The following ZNF438 variants were observed in gnomAD, a reference collection of about 807,000 sequenced individuals.
ZNF438 encodes zinc finger protein 438.
ZNF438 carries 25 observed loss-of-function variants against 38.0 expected under a neutral mutation model. The observed-to-expected ratio is 0.66, with a 90% CI of 0.48 to 0.92. ZNF438 has a LOEUF of 0.92. Ranked by LOEUF, ZNF438 falls within the 40% of genes least tolerant of loss-of-function variation. The pLI is 0.00. For missense variants in ZNF438, 1,007 were observed against 999.6 expected (o/e 1.01, Z -0.10); for synonymous variants, 372 against 364.1 (o/e 1.02, Z -0.25).
At chr10:31,001,891 T>C (rs373898525) in intron 1 of ZNF438, among the ~76,000 whole-genome samples, 3 of 152,330 alleles carry the variant, frequency 2.0e-5, no homozygotes, top group East Asian at 3.9e-4. Flanking sequence ...GACTGATTCA[T>C]ACACCCATGG....
intron 1 of ZNF438, among the ~76,000 whole-genome samples, chr10:30,982,475 C>A (rs1271351078): frequency 1.3e-5 from 2 of 152,104 alleles, no homozygotes; most frequent in Non-Finnish European, 2.9e-5. Flanking sequence ...GATTATAATT[C>A]TTTAACTATA....
intron 1 of ZNF438, among the ~76,000 whole-genome samples, chr10:30,952,274 G>A (rs918405773): frequency 6.1e-5 from 9 of 148,038 alleles, no homozygotes; most frequent in African/African-American, 1.5e-4. Context: ...AGACTTAAAC[G>A]TTAGACCTAA....
At chr10:30,945,773 G>A (rs1432909876) in intron 1 of ZNF438, among the ~76,000 whole-genome samples, 1 of 116,008 alleles carries the variant, frequency 8.6e-6, no homozygotes, top group Non-Finnish European at 1.7e-5. Context: ...TGGTGTATAT[G>A]TGCCACATTT....
chr10:30,883,405 T>A (rs569410743), intron 3 of ZNF438, among the ~76,000 whole-genome samples: 1 of 152,266 alleles, frequency 6.6e-6, no homozygotes, highest in Admixed American at 6.5e-5. Flanking sequence ...AAAGCCATCA[T>A]CATTATCATC....
chr10:30,861,429 G>A (rs569819946), intron 4 of ZNF438, among the ~76,000 whole-genome samples: 16 of 152,054 alleles, frequency 1.1e-4, no homozygotes, highest in African/African-American at 3.9e-4. Context: ...GTGGAGGGCT[G>A]GCTATATCAT....
intron 1 of ZNF438, among the ~76,000 whole-genome samples, chr10:31,030,446 C>T (rs1442671330): frequency 6.6e-6 from 1 of 152,222 alleles, no homozygotes; most frequent in Non-Finnish European, 1.5e-5. Flanking sequence ...CAATGCGAAT[C>T]TCCTAATAAC....
chr10:30,848,695 C>T (rs745863307), exon 5 of ZNF438: 4 of 1,614,242 alleles, frequency 2.5e-6, no homozygotes, highest in Non-Finnish European at 3.4e-6. Flanking sequence ...TTGCACAAAA[C>T]TCACAACACA....
At chr10:30,940,201 A>C (rs113119916) in intron 2 of ZNF438, among the ~76,000 whole-genome samples, 1 of 152,264 alleles carries the variant, frequency 6.6e-6, no homozygotes. Context: ...ACTAAGCACT[A>C]TTAAAGGCTA....
chr10:30,851,162 T>C (rs2033556931), intron 4 of ZNF438, among the ~76,000 whole-genome samples: 2 of 152,240 alleles, frequency 1.3e-5, no homozygotes, highest in South Asian at 4.1e-4. Context: ...AGAGACAACA[T>C]GCAAAATATG....
In ZNF438 at chr10:31,010,083, G is replaced by A. The variant is rs371358415; in HGVS notation, c.-192+21750C>T. 7.2e-5 allele frequency among the ~76,000 whole-genome samples: 11 copies of A among 152,098 alleles called. No individual in the cohort carries two copies. In the East Asian group the frequency reaches 1.9e-3, roughly 27 times the overall value. The stretch of plus-strand genomic sequence containing the variant: ...AGGCTGGTCTTGAACTCCTGACCTC[G>A]TGATCCACCTGCCTTGGCCTCCCAA... On this transcript the variant is annotated intron_variant, in intron 1 of 5. Transcript: ENST00000413025.
intron 1 of ZNF438, among the ~76,000 whole-genome samples, chr10:30,995,168 T>C (rs1214359859): frequency 1.3e-5 from 2 of 152,006 alleles, no homozygotes; most frequent in African/African-American, 4.8e-5. Flanking sequence ...AAATTCTAAA[T>C]AGGATAAATA....
chr10:31,018,397 G>A (rs1385933861), intron 1 of ZNF438, among the ~76,000 whole-genome samples: 2 of 152,154 alleles, frequency 1.3e-5, no homozygotes, highest in Non-Finnish European at 2.9e-5. Flanking sequence ...TTAACAGTCT[G>A]ATTCTTTCTA....
In ZNF438 at chr10:30,849,764, A is replaced by T. The variant is rs755737454; in HGVS notation, c.641T>A (p.Leu214Gln). Residue 214 changes from leucine (L) to glutamine (Q), a missense_variant, in exon 5 of 6, where the codon CTG becomes CAG. Transcript: ENST00000413025. ...TGATGCTGGGGTAGCAGGAGGGTTCAGACTGCCATGGGTGTTGGTCACTGG... is the reference window on the plus strand; with the variant it reads ...TGATGCTGGGGTAGCAGGAGGGTTCTGACTGCCATGGGTGTTGGTCACTGG... The T allele has an allele frequency of 1.2e-6, 2 of 1,614,090 alleles. No homozygotes were observed. The highest frequency in any genetic ancestry group is 2.7e-5 in the African/African-American group (2 of 74,948).
intron 1 of ZNF438, among the ~76,000 whole-genome samples, chr10:30,988,334 C>A (rs1053022322): frequency 1.1e-4 from 17 of 151,758 alleles, no homozygotes; most frequent in African/African-American, 3.9e-4. Flanking sequence ...GTAGCAATCA[C>A]AAAATGCAAC....
intron 4 of ZNF438, among the ~76,000 whole-genome samples, chr10:30,858,181 T>A (rs981680466): frequency 6.6e-5 from 10 of 152,256 alleles, no homozygotes; most frequent in African/African-American, 2.4e-4. Flanking sequence ...TGCCAAGTCT[T>A]GGTCACTAAA....
chr10:30,922,966 G>T (rs961649671), intron 2 of ZNF438, among the ~76,000 whole-genome samples: 13 of 152,132 alleles, frequency 8.5e-5, no homozygotes, highest in South Asian at 2.1e-4. Context: ...CTAAGTAAAA[G>T]AATAATAAGT....
At chr10:30,933,938 A>G (rs567152719) in intron 2 of ZNF438, among the ~76,000 whole-genome samples, 32 of 152,188 alleles carry the variant, frequency 2.1e-4, no homozygotes, top group Admixed American at 7.9e-4. Context: ...CGAGGTCAGG[A>G]GATCGAGACC....
intron 3 of ZNF438, among the ~76,000 whole-genome samples, chr10:30,891,187 T>C (rs563006356): frequency 6.6e-6 from 1 of 152,338 alleles, no homozygotes; most frequent in Non-Finnish European, 1.5e-5. Context: ...TTTCTTCAAT[T>C]ATTTTTCTAA....
chr10:30,891,333 T>C (rs1455084385), intron 3 of ZNF438, among the ~76,000 whole-genome samples: 1 of 152,180 alleles, frequency 6.6e-6, no homozygotes, highest in African/African-American at 2.4e-5. Context: ...ATTTTTGCTC[T>C]TTCTGGAAAA....
Sources: gnomAD v4.1 joint callset for allele counts (sites outside exome capture counted in the v4.1 genomes callset) on GRCh38, gnomAD v4.1.1 for gene constraint, MANE v1.5 for transcripts, NCBI Gene and HGNC (gene_info 2026-07-23, HGNC 2026-07-21) for gene names.